Variants in SKP2 observed in about 807,000 individuals in gnomAD.
The protein encoded by SKP2 is S-phase kinase-associated protein 2.
SKP2 carries 16 observed loss-of-function variants against 51.8 expected under a neutral mutation model. The ratio of observed to expected loss-of-function variants is 0.31; its 90% CI spans 0.21 to 0.47. SKP2 has a LOEUF of 0.47. Ranked by LOEUF, SKP2 falls within the 20% of genes least tolerant of loss-of-function variation. SKP2 has a pLI of 1.00. For synonymous variants in SKP2, 176 were observed against 198.6 expected (o/e 0.89, Z 0.96); for missense variants, 377 against 505.3 (o/e 0.75, Z 2.43).
At chr5:36,165,575 G>T (rs151262228) in intron 3 of SKP2, among the ~76,000 whole-genome samples, 1 of 152,220 alleles carries the variant, frequency 6.6e-6, no homozygotes, top group Non-Finnish European at 1.5e-5. Context: ...GGGCAAGAAA[G>T]ATACAAAAGT....
intron 2 of SKP2, among the ~76,000 whole-genome samples, chr5:36,161,292 T>TAAAA (rs5867306): frequency 2.1e-4 from 29 of 140,890 alleles, no homozygotes; most frequent in African/African-American, 6.9e-4. Flanking sequence ...CAAAAATTGT[T>TAAAA]AAAAAAAAAA....
intron 7 of SKP2, among the ~76,000 whole-genome samples, chr5:36,175,421 G>A (rs1745601253): frequency 6.6e-6 from 1 of 152,002 alleles, no homozygotes; most frequent in African/African-American, 2.4e-5. Context: ...TAGGAGAGGG[G>A]ATATACTTGT....
chr5:36,175,164 C>T (rs1258843564), intron 7 of SKP2, among the ~76,000 whole-genome samples: 1 of 152,046 alleles, frequency 6.6e-6, no homozygotes, highest in Non-Finnish European at 1.5e-5. Context: ...ATTTTAAAAA[C>T]CAACATCATG....
At chr5:36,189,157 G>T (rs965920571), downstream of SKP2, among the ~76,000 whole-genome samples, 1 of 152,038 alleles carries the variant, frequency 6.6e-6, no homozygotes, top group Non-Finnish European at 1.5e-5. Flanking sequence ...TAGCTTCTTT[G>T]CCATGGGTTC....
downstream of SKP2, among the ~76,000 whole-genome samples, chr5:36,185,573 T>C (rs1745944346): frequency 6.6e-6 from 1 of 152,190 alleles, no homozygotes; most frequent in Admixed American, 6.5e-5. Context: ...ACATGTGTGG[T>C]ATTATTTCTG....
rs372352251 is a variant in SKP2, at chr5:36,170,351, G to T, written c.679G>T (p.Ala227Ser). 3.1e-6 allele frequency: 5 copies of T among 1,605,974 alleles called. No homozygotes were observed. Among genetic ancestry groups the T allele is most frequent in the East Asian group, 4.5e-5 (2 of 44,712 alleles). ...GTTTTTCTCTTTTTCCAGTACTCTC[G>T]CAAAAAACTCAAATTTAGTGCGACT... ...RLSDPIVNTL[A>S]KNSNLVRLNL... Residue 227 changes from alanine to serine, a missense_variant, in exon 6 of 10, where the codon GCA becomes TCA. Ala to Ser is a moderately conservative substitution (Grantham distance 99). This residue lies in a region of SKP2 where 262 missense variants were observed against 389.8 expected (regional missense o/e 0.67). Coordinates refer to ENST00000274255, the MANE Select transcript of SKP2 (RefSeq NM_005983.4).
chr5:36,177,587 AG>A lies in SKP2; in HGVS notation c.1061+297del, dbSNP rs575821340. ...GAAGCAGAAGATAACCTTTTCCTCC[AG>A]GAAACTTGAAGTGTAATTGGGAAGG... On this transcript the variant is annotated intron_variant, in intron 9 of 9. Coordinates refer to ENST00000274255, the MANE Select transcript of SKP2 (RefSeq NM_005983.4). Among the ~76,000 whole-genome samples the A allele has an allele frequency of 9.2e-5, 14 of 151,680 alleles. No individual in the cohort carries two copies. The East Asian group carries it at 2.7e-3, about 29-fold the overall frequency.
chr5:36,184,473 CGTT>C (rs780599651), downstream of SKP2, among the ~76,000 whole-genome samples: 13 of 152,206 alleles, frequency 8.5e-5, no homozygotes, highest in Admixed American at 6.5e-5. Context: ...CAGGTGTTCT[CGTT>C]GTTCAATTCC....
chr5:36,158,209 G>A (rs770290032), intron 2 of SKP2, among the ~76,000 whole-genome samples: 20 of 152,328 alleles, frequency 1.3e-4, no homozygotes, highest in Middle Eastern at 3.4e-3. Context: ...GGATTTAGCA[G>A]AGACAAGTGG....
At chr5:36,187,520 C>T (rs543467221), downstream of SKP2, among the ~76,000 whole-genome samples, 1 of 152,314 alleles carries the variant, frequency 6.6e-6, no homozygotes, top group African/African-American at 2.4e-5. Flanking sequence ...GCAGGTTGTT[C>T]AATTTCCATG....
At chr5:36,160,799 C>T (rs981874656) in intron 2 of SKP2, among the ~76,000 whole-genome samples, 2 of 152,192 alleles carry the variant, frequency 1.3e-5, no homozygotes, top group African/African-American at 4.8e-5. Flanking sequence ...TTTGGAGGAA[C>T]TTTGTGGCAG....
In SKP2 at chr5:36,171,586, A is replaced by AC. The variant is rs767705041; in HGVS notation, c.771-13dup. ...GTGATGGTTTCATATTTTGTTTATT[A>AC]CCCCTCTTTTGTGCAGACTGGATGA... On this transcript the variant is annotated splice_polypyrimidine_tract_variant and intron_variant, in intron 6 of 9. Coordinates refer to ENST00000274255, the MANE Select transcript of SKP2 (RefSeq NM_005983.4). 2 of 1,609,960 alleles carry AC rather than the reference A, an allele frequency of 1.2e-6. No individual in the cohort carries two copies.
chr5:36,177,297 G>A lies in SKP2; in HGVS notation c.1061+5G>A, dbSNP rs771216673. On this transcript the variant is annotated splice_donor_5th_base_variant and intron_variant, in intron 9 of 9. Coordinates refer to ENST00000274255, the MANE Select transcript of SKP2 (RefSeq NM_005983.4). Reference sequence around the variant, plus strand: ...TATAATACCTGAAACTTTACTGTAAGTATGTTTTGTTTTTAATGCTTAATA... The same window carrying A: ...TATAATACCTGAAACTTTACTGTAAATATGTTTTGTTTTTAATGCTTAATA... 1 of 1,536,878 alleles carries A rather than the reference G, an allele frequency of 6.5e-7. No individual in the cohort carries two copies. The highest frequency in any genetic ancestry group is 2.2e-5 in the East Asian group (1 of 44,450).
chr5:36,182,945 G>T lies in SKP2; in HGVS notation c.*914G>T, dbSNP rs1745855929. ...CCTGCTGTTTTCCTTTAGCGCTGAG[G>T]TTCTTAAGGTTACTTTTATATTACT... On this transcript the variant is annotated 3_prime_UTR_variant, in exon 10 of 10. Coordinates refer to ENST00000274255, the MANE Select transcript of SKP2 (RefSeq NM_005983.4). The T allele has an allele frequency of 1.0e-6, 1 of 973,746 alleles. No individual in the cohort carries two copies. The highest frequency in any genetic ancestry group is 1.2e-6 in the Non-Finnish European group (1 of 819,682). 60.3% of individuals were successfully genotyped at this position (973,746 alleles called of 1,614,324 possible).
intron 2 of SKP2, among the ~76,000 whole-genome samples, chr5:36,157,948 C>T (rs1745005066): frequency 6.6e-6 from 1 of 152,178 alleles, no homozygotes; most frequent in Non-Finnish European, 1.5e-5. Flanking sequence ...AGGCCCTCTT[C>T]CCAGAGAATT....
intron 9 of SKP2, among the ~76,000 whole-genome samples, chr5:36,178,741 T>C (rs747032574): frequency 7.2e-5 from 11 of 152,076 alleles, no homozygotes; most frequent in Non-Finnish European, 1.5e-4. Context: ...TTTGGGTTGC[T>C]TTTCTCAAGA....
chr5:36,185,636 T>C (rs893725719), downstream of SKP2, among the ~76,000 whole-genome samples: 1 of 152,220 alleles, frequency 6.6e-6, no homozygotes, highest in African/African-American at 2.4e-5. Context: ...ACCAGTACCA[T>C]GCTGTTTTGG....
At position 36,183,160 on chromosome 5, in the gene SKP2, T is replaced by C. The variant is rs1232284801; in HGVS notation, c.*1129T>C. The C allele has an allele frequency of 5.2e-6, 5 of 969,200 alleles. No homozygotes were observed. The African/African-American group carries it at 5.3e-5, about 10-fold the overall frequency. The allele number at this position is 969,200 out of a possible 1,614,324, so 60.0% of individuals were successfully genotyped here. A position where few individuals can be genotyped will look rare whatever the true frequency, so the allele number is the denominator to read the frequency against. On this transcript the variant is annotated 3_prime_UTR_variant, in exon 10 of 10. Coordinates refer to ENST00000274255, the MANE Select transcript of SKP2 (RefSeq NM_005983.4). ...CAGTTTCAGTAGTAAGCACTACTTA[T>C]ACCTACATAAGAGTTAAAATCCAGA...
rs1745843864 is a variant in SKP2, at chr5:36,182,528, C to T, written c.*497C>T. 1.0e-6 allele frequency: 1 copy of T among 985,390 alleles called. No homozygotes were observed. The allele number at this position is 985,390 out of a possible 1,614,324, so 61.0% of individuals were successfully genotyped here. A position where few individuals can be genotyped will look rare whatever the true frequency, so the allele number is the denominator to read the frequency against. On this transcript the variant is annotated 3_prime_UTR_variant, in exon 10 of 10. Coordinates refer to ENST00000274255, the MANE Select transcript of SKP2 (RefSeq NM_005983.4). Reference sequence around the variant, plus strand: ...ATAGTAGCGTCTGAGGCCATCTTTTCTAGGAATAGGAAAGAGAAAAATGTA... The same window carrying T: ...ATAGTAGCGTCTGAGGCCATCTTTTTTAGGAATAGGAAAGAGAAAAATGTA...
Sources: allele counts gnomAD v4.1 joint callset (sites outside exome capture counted in the v4.1 genomes callset), GRCh38; gene constraint gnomAD v4.1.1; regional missense constraint gnomAD v4.1.1; transcripts MANE v1.5; gene names NCBI Gene and HGNC (gene_info 2026-07-23, HGNC 2026-07-21).